Variants in PARP15 observed in about 807,000 individuals in gnomAD.
PARP15 encodes protein mono-ADP-ribosyltransferase PARP15.
A neutral mutation model predicts 62.1 loss-of-function variants in PARP15; 50 were observed. The observed-to-expected ratio is 0.81, with a 90% CI of 0.64 to 1.02. PARP15 has a LOEUF of 1.02. PARP15 is among the 50% of genes least tolerant of loss of function. The pLI, the probability that PARP15 is intolerant of heterozygous loss-of-function variation, is 0.00. For missense variants in PARP15, 820 were observed against 826.5 expected (o/e 0.99, Z 0.10); for synonymous variants, 309 against 293.1 (o/e 1.05, Z -0.55).
intron 3 of PARP15, 133 bp downstream of exon 3, chr3:122,610,863 T>TATC (rs1935517149): frequency 1.5e-6 from 1 of 654,206 alleles, no homozygotes; most frequent in Non-Finnish European, 2.5e-6. Flanking sequence ...CTGCTGCTGG[T>TATC]ATCTAGTGGG....
At chr3:122,589,154 T>C (rs921015296) in intron 1 of PARP15, among the ~76,000 whole-genome samples, 3 of 152,188 alleles carry the variant, frequency 2.0e-5, no homozygotes, top group Admixed American at 6.5e-5. Context: ...GGTCCCAGCA[T>C]GGTAGAGTTC....
At chr3:122,621,651 C>A (rs1325633030) in intron 8 of PARP15, 40 bp downstream of exon 8, 2 of 1,527,330 alleles carry the variant, frequency 1.3e-6, no homozygotes, top group East Asian at 2.3e-5. Context: ...TTGAGTGATA[C>A]AAATTCCTTT....
chr3:122,605,906 G>T (rs1296565505), intron 1 of PARP15, 30 bp from the exon 2 acceptor site: 1 of 1,546,632 alleles, frequency 6.5e-7, no homozygotes, highest in South Asian at 1.2e-5. Flanking sequence ...AATTGGCATT[G>T]CTGGTAATGC....
intron 1 of PARP15, among the ~76,000 whole-genome samples, chr3:122,603,249 A>G (rs1450732714): frequency 6.6e-6 from 1 of 152,176 alleles, no homozygotes; most frequent in African/African-American, 2.4e-5. Flanking sequence ...GATCAGAATG[A>G]CAAATCACAG....
rs369110210 is a variant in PARP15 at position 122,610,497 on chromosome 3, G to C, written c.310G>C (p.Asp104His). 5 of 1,550,196 alleles carry C rather than the reference G, an allele frequency of 3.2e-6. No individual in the cohort carries two copies. In the African/African-American group the frequency reaches 6.9e-5, roughly 21 times the overall value. The change falls in exon 3 of 12, where the codon GAT becomes CAT. Residue 104 changes from aspartate (D) to histidine (H), a missense_variant. Transcript: ENST00000464300. ...AACTGTTGCTATTTTCGTTAAGGCC[G>C]ATGTCATTGTCAACAGCGTTCCCAT... ...ISGDVLYIWA[D>H]VIVNSVPMNL...
chr3:122,613,372 A>G (rs1024335206), intron 4 of PARP15, 104 bp downstream of exon 4: 19 of 1,010,544 alleles, frequency 1.9e-5, no homozygotes, highest in East Asian at 1.0e-4. Flanking sequence ...TCCTGTGCCT[A>G]TAAGTGATGG....
intron 1 of PARP15, among the ~76,000 whole-genome samples, chr3:122,602,962 T>G (rs1018883802): frequency 2.0e-5 from 3 of 152,190 alleles, no homozygotes; most frequent in Admixed American, 6.5e-5. Flanking sequence ...GTGTCAGCAT[T>G]TATGTGCCAG....
chr3:122,617,090 C>T lies in PARP15; in HGVS notation c.926C>T (p.Ala309Val). The T allele has an allele frequency of 6.2e-7, 1 of 1,614,028 alleles. No homozygotes were observed. The highest frequency in any genetic ancestry group is 8.5e-7 in the Non-Finnish European group (1 of 1,179,916). ...MKIGAITFQV[A>V]TGDIATEQVD... ...ATCGGTGCAATTACTTTTCAGGTTGCTACTGGAGATATAGCCACTGAACAG... is the reference window on the plus strand; with the variant it reads ...ATCGGTGCAATTACTTTTCAGGTTGTTACTGGAGATATAGCCACTGAACAG... The change falls in exon 6 of 12, where the codon GCT (alanine) becomes GTT (valine). Residue 309 changes from alanine to valine, a missense_variant. Ala to Val is a moderately conservative substitution (Grantham distance 64, BLOSUM62 0). Coordinates refer to ENST00000464300, the MANE Select transcript of PARP15 (RefSeq NM_001113523.3).
chr3:122,617,515 T>C (rs1936059872), intron 6 of PARP15, among the ~76,000 whole-genome samples: 1 of 152,182 alleles, frequency 6.6e-6, no homozygotes, highest in South Asian at 2.1e-4. Context: ...ACCTCTAAGT[T>C]CCTCTATTTT....
In PARP15 at chr3:122,577,740, G is replaced by C; in HGVS notation, c.73G>C (p.Gly25Arg). Residue 25 changes from glycine to arginine, a missense_variant, in exon 1 of 12, where the codon GGA (glycine) becomes CGA (arginine). Gly to Arg is a moderately radical substitution (Grantham distance 125, BLOSUM62 -2). Transcript: ENST00000464300. ...GAPTPRELMH[G>R]VAGVTSRAGR... ...TCCGACCCCCAGAGAACTTATGCAC[G>C]GAGTTGCAGGTGTTACTTCCAGAGC... The C allele has an allele frequency of 5.8e-6, 9 of 1,551,698 alleles. No homozygotes were observed. Among genetic ancestry groups the C allele is most frequent in the East Asian group, 2.4e-5 (1 of 40,918 alleles).
In PARP15 at chr3:122,638,936, G is replaced by A. The variant is rs1298573662; in HGVS notation, c.*2836G>A. ...TATCTTTCCCTATTTTATGTATATA[G>A]AATTATAAAGTTTTTAAAAATGTAA... On this transcript the variant is annotated 3_prime_UTR_variant, in exon 12 of 12. Transcript: ENST00000464300. 6.6e-6 allele frequency: 1 copy of A among 151,974 alleles called. No homozygotes were observed. The highest frequency in any genetic ancestry group is 2.4e-5 in the African/African-American group (1 of 41,388). 9.4% of individuals were successfully genotyped at this position (151,974 alleles called of 1,614,324 possible).
rs879847049 is a variant in PARP15, at chr3:122,615,852, C to A, written c.845C>A (p.Thr282Asn). 1 of 1,611,824 alleles carries A rather than the reference C, an allele frequency of 6.2e-7. No homozygotes were observed. The highest frequency in any genetic ancestry group is 8.5e-7 in the Non-Finnish European group (1 of 1,178,320). ...NKARIPMAGD[T>N]QGVVGTVSKP... ...GCCAGGATTCCCATGGCAGGAGATACCCAAGGTCTGGTAAAGTCGTTCTGC... is the reference window on the plus strand; with the variant it reads ...GCCAGGATTCCCATGGCAGGAGATAACCAAGGTCTGGTAAAGTCGTTCTGC... Residue 282 changes from threonine (T) to asparagine (N), a missense_variant, in exon 5 of 12, where the codon ACC (threonine) becomes AAC (asparagine). Physicochemically the swap from Thr to Asn is moderately conservative, Grantham distance 65 (BLOSUM62 0). This residue lies in a region of PARP15 where 731 missense variants were observed against 727.7 expected (regional missense o/e 1.00). Transcript: ENST00000464300.
intron 3 of PARP15, among the ~76,000 whole-genome samples, chr3:122,611,416 C>G (rs749910912): frequency 6.6e-6 from 1 of 152,012 alleles, no homozygotes; most frequent in Admixed American, 6.6e-5. Flanking sequence ...TCATTGCAAC[C>G]TCCTCTCTGC....
chr3:122,615,791 G>T lies in PARP15; in HGVS notation c.784G>T (p.Glu262Ter), dbSNP rs1042223994. 7 of 1,613,054 alleles carry T rather than the reference G, an allele frequency of 4.3e-6. No homozygotes were observed. The highest frequency in any genetic ancestry group is 1.7e-5 in the Admixed American group (1 of 59,998). Residue 262 changes from glutamate (E) to a stop codon, truncating the protein, a stop_gained, in exon 5 of 12, where the codon GAA becomes TAA. Coordinates refer to ENST00000464300, the MANE Select transcript of PARP15 (RefSeq NM_001113523.3). LOFTEE classifies it high-confidence loss of function. ...TTTCTATTTCCAGGCATTTTTAGAT[G>T]AATTCACTAACTGGTCAAGAATAAA... ...DDEGCQAFLD[E>*]FTNWSRINPN...
intron 1 of PARP15, among the ~76,000 whole-genome samples, chr3:122,580,931 C>A (rs2080790751): frequency 6.6e-6 from 1 of 152,088 alleles, no homozygotes; most frequent in Non-Finnish European, 1.5e-5. Flanking sequence ...TTTTACTGTA[C>A]CTTTTCTATA....
chr3:122,606,721 ATGTGG>A (rs1935185140), intron 2 of PARP15, among the ~76,000 whole-genome samples: 1 of 152,168 alleles, frequency 6.6e-6, no homozygotes, highest in Non-Finnish European at 1.5e-5. Context: ...TTGGTCAGGG[ATGTGG>A]TGTAGGCGAC....
chr3:122,598,817 A>T (rs1934559593), intron 1 of PARP15, among the ~76,000 whole-genome samples: 1 of 152,216 alleles, frequency 6.6e-6, no homozygotes, highest in Non-Finnish European at 1.5e-5. Flanking sequence ...ACTTCTAGCC[A>T]GATTGTCACA....
chr3:122,629,335 G>A (rs1378500051), intron 9 of PARP15, among the ~76,000 whole-genome samples: 1 of 152,124 alleles, frequency 6.6e-6, no homozygotes, highest in Non-Finnish European at 1.5e-5. Context: ...GTTTCAACAT[G>A]TTGGCCAGAT....
Position 122,638,400 on chromosome 3 carries a change from G to A in PARP15, c.*2300G>A, listed in dbSNP as rs1369225830. ...ACTGACTTCCACAATGGTTGAACTA[G>A]TTTACAGTCCCACCAACAGTGTAAA... On this transcript the variant is annotated 3_prime_UTR_variant, in exon 12 of 12. Transcript: ENST00000464300. 6.6e-6 allele frequency: 1 copy of A among 152,146 alleles called. No homozygotes were observed. The highest frequency in any genetic ancestry group is 2.4e-5 in the African/African-American group (1 of 41,432). The allele number at this position is 152,146 out of a possible 1,614,324, so 9.4% of individuals were successfully genotyped here. A position where few individuals can be genotyped will look rare whatever the true frequency, so the allele number is the denominator to read the frequency against.
Sources: gnomAD v4.1 joint callset for allele counts (sites outside exome capture counted in the v4.1 genomes callset) on GRCh38, gnomAD v4.1.1 for gene constraint, gnomAD v4.1.1 regional missense constraint, MANE v1.5 for transcripts, NCBI Gene and HGNC (gene_info 2026-07-23, HGNC 2026-07-21) for gene names.